KDELR1: variants seen among roughly 807,000 people sequenced by gnomAD.
KDELR1 encodes ER lumen protein-retaining receptor 1.
Under a neutral mutation model 25.5 loss-of-function variants are expected in KDELR1, and 16 were observed. The ratio of observed to expected loss-of-function variants is 0.63; its 90% CI spans 0.43 to 0.95. The LOEUF (loss-of-function observed/expected upper bound fraction) is 0.95. Among genes scored for constraint, KDELR1 ranks in the 40% least tolerant of loss-of-function variants. KDELR1 has a pLI of 0.00. For synonymous variants in KDELR1, 121 were observed against 115.0 expected (o/e 1.05, Z -0.33); for missense variants, 159 against 265.2 (o/e 0.60, Z 2.78).
the KDELR1 span, among the ~76,000 whole-genome samples, chr19:48,397,271 G>C: frequency 6.6e-6 from 1 of 152,046 alleles, no homozygotes; most frequent in African/African-American, 2.4e-5. Context: ...TCCTTGGGGT[G>C]CCCCACTAAT....
intron 3 of KDELR1, among the ~76,000 whole-genome samples, chr19:48,388,637 A>AG (rs2147422329): frequency 2.0e-5 from 3 of 151,834 alleles, no homozygotes; most frequent in East Asian, 1.9e-4. Context: ...AGTGAGCCAG[A>AG]ATCATGCCAC....
At chr19:48,391,026 T>A (rs927288556) in intron 1 of KDELR1, among the ~76,000 whole-genome samples, 2 of 151,706 alleles carry the variant, frequency 1.3e-5, no homozygotes, top group African/African-American at 4.8e-5. Flanking sequence ...GCTGCCCAGA[T>A]TGGGGCTGGG....
At chr19:48,386,261 C>G (rs1055120721) in intron 3 of KDELR1, among the ~76,000 whole-genome samples, 2 of 151,730 alleles carry the variant, frequency 1.3e-5, no homozygotes, top group African/African-American at 2.4e-5. Context: ...ATTATAGGCA[C>G]TCACCACCAC....
chr19:48,391,659 C>T, upstream of KDELR1: 2 of 421,618 alleles, frequency 4.7e-6, no homozygotes, highest in South Asian at 4.5e-5. Flanking sequence ...TTTGCCGTGG[C>T]GGCGCTAAAC....
At chr19:48,386,820 A>C (rs1970501343) in intron 3 of KDELR1, among the ~76,000 whole-genome samples, 1 of 152,038 alleles carries the variant, frequency 6.6e-6, no homozygotes, top group Non-Finnish European at 1.5e-5. Flanking sequence ...TAATCCCAGC[A>C]CTTTGGAAGG....
At position 48,390,448 on chromosome 19, in the gene KDELR1, G is replaced by A; in HGVS notation, c.168C>T (p.Ile56=). Residue 56 remains isoleucine, a synonymous_variant, in exon 2 of 5, where the codon ATC becomes ATT. Transcript: ENST00000330720. ...ARYLDLFTNY[I]SLYNTCMKVV... ...CCTTCATACACGTGTTGTAGAGTGA[G>A]ATGTAGTTGGTGAAGAGGTCCAGAT... The A allele has an allele frequency of 3.7e-6, 6 of 1,613,866 alleles. No homozygotes were observed. The highest frequency in any genetic ancestry group is 5.1e-6 in the Non-Finnish European group (6 of 1,179,768).
intron 1 of KDELR1, chr19:48,390,946 TC>T (rs779575373): frequency 1.0e-5 from 5 of 477,386 alleles, no homozygotes; most frequent in Middle Eastern, 5.9e-4. Context: ...GCCGCCACGG[TC>T]CACGTCACCA....
chr19:48,395,561 T>TG (rs1308054270), upstream of KDELR1, among the ~76,000 whole-genome samples: 1 of 151,730 alleles, frequency 6.6e-6, no homozygotes, highest in Non-Finnish European at 1.5e-5. Context: ...CTCGAGGTTG[T>TG]GGGGGGAGCT....
intron 1 of KDELR1, 30 bp from the exon 2 acceptor site, chr19:48,390,554 AG>A: frequency 7.6e-7 from 1 of 1,323,014 alleles, no homozygotes; most frequent in Non-Finnish European, 1.1e-6. Context: ...AAAGAGAGAG[AG>A]AGAGAGACAG....
At chr19:48,391,972 C>G (rs201001336), upstream of KDELR1, among the ~76,000 whole-genome samples, 1 of 151,982 alleles carries the variant, frequency 6.6e-6, no homozygotes. Context: ...CCAGCCCGTT[C>G]GTCAAACCCA....
the KDELR1 span, among the ~76,000 whole-genome samples, chr19:48,397,124 GC>G: frequency 1.3e-5 from 2 of 148,712 alleles, no homozygotes; most frequent in Non-Finnish European, 3.0e-5. Context: ...CCACAGCTGT[GC>G]CCCCCAACCC....
chr19:48,386,110 C>CTTTTT (rs558516450), intron 3 of KDELR1, among the ~76,000 whole-genome samples: 35 of 138,418 alleles, frequency 2.5e-4, no homozygotes, highest in African/African-American at 5.3e-4. Context: ...AGGTCTGTTG[C>CTTTTT]TTTTTTTTTT....
intron 3 of KDELR1, among the ~76,000 whole-genome samples, chr19:48,386,753 G>A (rs1970501012): frequency 1.3e-5 from 2 of 151,944 alleles, no homozygotes; most frequent in South Asian, 4.2e-4. Flanking sequence ...CGCCCAGCCT[G>A]ATGTCTGAAT....
upstream of KDELR1, among the ~76,000 whole-genome samples, chr19:48,392,476 C>A (rs1265859954): frequency 1.3e-5 from 2 of 152,142 alleles, no homozygotes; most frequent in Non-Finnish European, 2.9e-5. Flanking sequence ...GGGCCCCAGC[C>A]CTTTTCCCTC....
At chr19:48,386,934 G>T (rs776562073) in intron 3 of KDELR1, among the ~76,000 whole-genome samples, 6 of 151,960 alleles carry the variant, frequency 3.9e-5, no homozygotes, top group Non-Finnish European at 8.8e-5. Context: ...ACCTGGGTGT[G>T]GTGGCTCATG....
At chr19:48,388,511 C>A (rs1218770573) in intron 3 of KDELR1, among the ~76,000 whole-genome samples, 1 of 151,882 alleles carries the variant, frequency 6.6e-6, no homozygotes, top group African/African-American at 2.4e-5. Flanking sequence ...TATGTTGAAA[C>A]CCTGTCTCTA....
upstream of KDELR1, among the ~76,000 whole-genome samples, chr19:48,394,550 A>G (rs1273610218): frequency 1.0e-5 from 1 of 98,800 alleles, no homozygotes; most frequent in East Asian, 3.2e-4. This position sits in a 1 kb window ranked among gnomAD's most constrained non-coding sequence, Gnocchi z 5.1. Flanking sequence ...CCGGGGCTGA[A>G]GCGGCAGAGG....
In KDELR1 at chr19:48,383,337, G is replaced by C. The variant is rs535169292; in HGVS notation, c.605-10C>G. On this transcript the variant is annotated splice_polypyrimidine_tract_variant and intron_variant, in intron 4 of 4. Coordinates refer to ENST00000330720, the MANE Select transcript of KDELR1 (RefSeq NM_006801.3). ...TTCTTCCCCTTTAGGACTGTGAGGA[G>C]AGAAAACAGGGAGGGCATTACCGCT... The C allele has an allele frequency of 9.7e-6, 15 of 1,551,646 alleles. 1 individual carries two copies. In the Admixed American group the frequency reaches 2.7e-4, roughly 28 times the overall value.
chr19:48,394,577 G>T (rs1318078791), upstream of KDELR1, among the ~76,000 whole-genome samples: 1 of 151,082 alleles, frequency 6.6e-6, no homozygotes, highest in Non-Finnish European at 1.5e-5. The surrounding 1 kb of genome is among the most constrained non-coding windows in gnomAD (Gnocchi z 5.1). Flanking sequence ...CCCCGGGTGG[G>T]CGGAGGGGGG....
Sources: gnomAD v4.1 joint callset for allele counts (sites outside exome capture counted in the v4.1 genomes callset) on GRCh38, gnomAD v4.1.1 for gene constraint, Gnocchi (gnomAD v3.1) non-coding constraint, MANE v1.5 for transcripts, NCBI Gene and HGNC (gene_info 2026-07-23, HGNC 2026-07-21) for gene names.